SLC38A4: variants seen among roughly 807,000 people sequenced by gnomAD.
SLC38A4 encodes sodium-coupled neutral amino acid transporter 4.
Under a neutral mutation model 63.1 loss-of-function variants are expected in SLC38A4, and 20 were observed. That is an observed-to-expected ratio of 0.32 (90% CI 0.22 to 0.46). The LOEUF (loss-of-function observed/expected upper bound fraction) is 0.46. Among genes scored for constraint, SLC38A4 ranks in the 20% least tolerant of loss-of-function variants. The probability of loss-of-function intolerance (pLI) is 1.00; values close to 1 mark genes in which losing one functional copy is unlikely to be tolerated. For synonymous variants in SLC38A4, 230 were observed against 225.5 expected, an observed-to-expected ratio of 1.02 and a Z score of -0.18; for missense variants, 526 against 663.6, an observed-to-expected ratio of 0.79 and a Z score of 2.28.
At chr12:46,829,011 C>A (rs1939696016), upstream of SLC38A4, among the ~76,000 whole-genome samples, 1 of 152,092 alleles carries the variant, frequency 6.6e-6, no homozygotes, top group Admixed American at 6.6e-5. Flanking sequence ...TTACTGCTGT[C>A]TTTATTGCAA....
chr12:46,783,020 ATGTGTG>A (rs71437771), intron 7 of SLC38A4, among the ~76,000 whole-genome samples: 74 of 103,760 alleles, frequency 7.1e-4, no homozygotes, highest in Middle Eastern at 4.7e-3. Flanking sequence ...GAGAGAGAAA[ATGTGTG>A]TGTGTGTGTG....
intron 5 of SLC38A4, among the ~76,000 whole-genome samples, chr12:46,787,645 T>C (rs1938791054): frequency 6.6e-6 from 1 of 152,182 alleles, no homozygotes; most frequent in Non-Finnish European, 1.5e-5. Flanking sequence ...GATTTGCTTC[T>C]GGGAAAGATC....
At chr12:46,769,160 G>C in intron 15 of SLC38A4, 124 bp downstream of exon 15, 1 of 1,089,704 alleles carries the variant, frequency 9.2e-7, no homozygotes, top group Non-Finnish European at 1.3e-6. Flanking sequence ...GCCTCTCAGG[G>C]ATAAAGGGAA....
At chr12:46,787,709 C>T (rs1452426684) in intron 5 of SLC38A4, among the ~76,000 whole-genome samples, 1 of 152,128 alleles carries the variant, frequency 6.6e-6, no homozygotes, top group Non-Finnish European at 1.5e-5. Context: ...TAACAAAATT[C>T]TTCTGGCGAG....
At chr12:46,797,757 A>G (rs1371244187) in intron 2 of SLC38A4, among the ~76,000 whole-genome samples, 4 of 152,142 alleles carry the variant, frequency 2.6e-5, no homozygotes, top group Non-Finnish European at 4.4e-5. Context: ...TGGGAACTCA[A>G]GTTCCATGTG....
At chr12:46,800,974 T>A (rs17666239) in intron 2 of SLC38A4, among the ~76,000 whole-genome samples, 9,754 of 152,244 alleles carry the variant, frequency 0.064, 356 homozygotes, top group Middle Eastern at 0.12. Flanking sequence ...AAAAGAAAAG[T>A]CAAATTTAGT....
chr12:46,768,698 ATACT>A (rs1479858909), intron 15 of SLC38A4, among the ~76,000 whole-genome samples: 1 of 152,108 alleles, frequency 6.6e-6, no homozygotes, highest in Non-Finnish European at 1.5e-5. Context: ...ATATAAATAC[ATACT>A]AAGGTGGCTG....
chr12:46,774,351 G>A (rs1005307903), intron 14 of SLC38A4, among the ~76,000 whole-genome samples: 1 of 151,986 alleles, frequency 6.6e-6, no homozygotes, highest in African/African-American at 2.4e-5. Flanking sequence ...GCTGGCAGGA[G>A]GGTGAAGACC....
At chr12:46,777,123 G>T in intron 12 of SLC38A4, 119 bp from the exon 13 acceptor site, 2 of 794,870 alleles carry the variant, frequency 2.5e-6, no homozygotes, top group Non-Finnish European at 3.9e-6. Flanking sequence ...GACATATTTA[G>T]TACATAAACT....
chr12:46,787,920 A>C lies in SLC38A4; in HGVS notation c.322T>G (p.Phe108Val). Residue 108 changes from phenylalanine (F) to valine (V), a missense_variant, in exon 5 of 17, where the codon TTT (phenylalanine) becomes GTT (valine). Phe to Val is a conservative substitution (Grantham distance 50). Coordinates refer to ENST00000266579, the MANE Select transcript of SLC38A4 (RefSeq NM_018018.5). ...YAMANTGIIL[F>V]IIMLLAVAIL... is the part of the protein sequence containing the mutation. ...TAGACATATACATTCACTTACATAA[A>C]AAGTATGATCCCTGTGTTGGCCATG... 6.2e-7 allele frequency: 1 copy of C among 1,610,764 alleles called. No individual in the cohort carries two copies. The highest frequency in any genetic ancestry group is 8.5e-7 in the Non-Finnish European group (1 of 1,177,482).
intron 1 of SLC38A4, among the ~76,000 whole-genome samples, chr12:46,820,466 TGTTCTCCAG>T (rs1264543837): frequency 6.6e-6 from 1 of 152,050 alleles, no homozygotes; most frequent in African/African-American, 2.4e-5. Flanking sequence ...CTTAGCATAT[TGTTCTCCAG>T]GTTCATCCAT....
chr12:46,788,430 G>A, intron 4 of SLC38A4, 98 bp downstream of exon 4: 1 of 969,216 alleles, frequency 1.0e-6, no homozygotes, highest in Admixed American at 1.9e-5. Flanking sequence ...TGCTGATCAA[G>A]GCTTGGAAAA....
chr12:46,824,712 A>C (rs924204161), intron 1 of SLC38A4, among the ~76,000 whole-genome samples: 3 of 152,230 alleles, frequency 2.0e-5, no homozygotes, highest in Non-Finnish European at 2.9e-5. Flanking sequence ...CAGAACGATG[A>C]AAATATAGAG....
chr12:46,790,076 CTG>C (rs1307726573), intron 3 of SLC38A4, among the ~76,000 whole-genome samples: 25 of 152,208 alleles, frequency 1.6e-4, no homozygotes, highest in African/African-American at 6.0e-4. Context: ...GAAACTCTGT[CTG>C]TCTCAATAAA....
intron 1 of SLC38A4, among the ~76,000 whole-genome samples, chr12:46,831,296 G>C (rs1008575181): frequency 1.3e-5 from 2 of 152,178 alleles, no homozygotes; most frequent in African/African-American, 4.8e-5. Context: ...TACGCTTCTC[G>C]GGGCTTCCCG....
intron 3 of SLC38A4, among the ~76,000 whole-genome samples, chr12:46,789,208 C>CT (rs71070319): frequency 0.012 from 1,735 of 141,744 alleles, 17 homozygotes; most frequent in East Asian, 0.03. Context: ...TATTTTCTTT[C>CT]TTTTTTTTTT....
chr12:46,766,557 G>T lies in SLC38A4; in HGVS notation c.*144C>A. On this transcript the variant is annotated 3_prime_UTR_variant, in exon 17 of 17. Transcript: ENST00000266579. ...AAACAGTGATTTTCCTCTTCTGCAGGTGCCTGGTGATATTACTGGTAAACG... is the reference window on the plus strand; with the variant it reads ...AAACAGTGATTTTCCTCTTCTGCAGTTGCCTGGTGATATTACTGGTAAACG... The T allele has an allele frequency of 1.4e-6, 1 of 711,576 alleles. No homozygotes were observed. The highest frequency in any genetic ancestry group is 2.7e-5 in the East Asian group (1 of 36,572). The allele number at this position is 711,576 out of a possible 1,614,324, so 44.1% of individuals were successfully genotyped here.
At chr12:46,773,490 T>G (rs1354010225) in intron 14 of SLC38A4, among the ~76,000 whole-genome samples, 1 of 152,250 alleles carries the variant, frequency 6.6e-6, no homozygotes, top group East Asian at 1.9e-4. Flanking sequence ...TTAGTCATTT[T>G]TCTGAACTCT....
At chr12:46,828,553 C>T (rs759701417), upstream of SLC38A4, among the ~76,000 whole-genome samples, 3 of 152,168 alleles carry the variant, frequency 2.0e-5, no homozygotes, top group Admixed American at 1.3e-4. Context: ...GAACTCCTGA[C>T]CTCAGGTGAT....
Sources: allele counts gnomAD v4.1 joint callset (sites outside exome capture counted in the v4.1 genomes callset), GRCh38; gene constraint gnomAD v4.1.1; transcripts MANE v1.5; gene names NCBI Gene and HGNC (gene_info 2026-07-23, HGNC 2026-07-21).